Variants in FGFR1 observed in about 807,000 individuals in gnomAD.
The protein encoded by FGFR1 is FGFR1/PLAG1 fusion.
Under a neutral mutation model 93.7 loss-of-function variants are expected in FGFR1, and 18 were observed. The observed-to-expected ratio is 0.19, with a 90% confidence interval of 0.13 to 0.28. The LOEUF (loss-of-function observed/expected upper bound fraction) is 0.28. Ranked by LOEUF, FGFR1 falls within the 10% of genes least tolerant of loss-of-function variation. The pLI, the probability that FGFR1 is intolerant of heterozygous loss-of-function variation, is 1.00. For synonymous variants in FGFR1, 448 were observed against 429.3 expected, an observed-to-expected ratio of 1.04 and a Z score of -0.54; for missense variants, 731 against 1,080.4, an observed-to-expected ratio of 0.68 and a Z score of 4.53.
intron 2 of FGFR1, among the ~76,000 whole-genome samples, chr8:38,446,205 CTTTTTTTTTTT>C (rs773129271): frequency 1.6e-5 from 2 of 127,776 alleles, no homozygotes; most frequent in Non-Finnish European, 3.3e-5. Context: ...CCTCTCCCAC[CTTTTTTTTTTT>C]TTTTTTTTTT....
chr8:38,468,345 G>A lies in FGFR1; in HGVS notation c.-453C>T. The A allele has an allele frequency of 4.4e-6, 1 of 228,274 alleles. No homozygotes were observed. Among genetic ancestry groups the A allele is most frequent in the East Asian group, 6.1e-5 (1 of 16,400 alleles). 14.1% of individuals were successfully genotyped at this position (228,274 alleles called of 1,614,324 possible). ...GAGGCCCCGGCGCCGCGGCGTGCCC[G>A]ACTGCAGCACGGGTACCGTGCGCCC... On this transcript the variant is annotated 5_prime_UTR_variant, in exon 1 of 18. Transcript: ENST00000447712.
chr8:38,442,069 A>G (rs1048590340), intron 2 of FGFR1, among the ~76,000 whole-genome samples: 1 of 152,114 alleles, frequency 6.6e-6, no homozygotes, highest in South Asian at 2.1e-4. Context: ...GTGACTAGCA[A>G]CTGCCCCGGA....
At chr8:38,453,264 C>A (rs1477103335) in intron 2 of FGFR1, among the ~76,000 whole-genome samples, 1 of 152,194 alleles carries the variant, frequency 6.6e-6, no homozygotes, top group African/African-American at 2.4e-5. Context: ...GTTGCTGTGT[C>A]CCATGAAACA....
At chr8:38,428,509 G>C (rs576109076) in intron 3 of FGFR1, 74 bp from the exon 4 acceptor site, 2 of 1,157,408 alleles carry the variant, frequency 1.7e-6, no homozygotes, top group Admixed American at 2.0e-5. Context: ...TGCAGTTCCA[G>C]ATGAACACGG....
Position 38,417,314 on chromosome 8 carries a change from G to C in FGFR1, c.1655C>G (p.Thr552Arg), listed in dbSNP as rs760702592. ...KNIINLLGAC[T>R]QDGPLYVIVE... ...GTCTGGCCGGCACCCACCATCCTGC[G>C]TGCAGGCCCCCAGCAGGTTGATGAT... The change falls in exon 12 of 18, where the codon ACG becomes AGG. Residue 552 changes from threonine (T) to arginine (R), a missense_variant. By Grantham distance (71) the Thr-to-Arg change is moderately conservative. Around this residue, in one of 10 missense-constraint regions of FGFR1, gnomAD observed 62 missense variants for 99.5 expected, o/e 0.62. Coordinates refer to ENST00000447712, the MANE Select transcript of FGFR1 (RefSeq NM_023110.3). 1.9e-6 allele frequency: 3 copies of C among 1,612,484 alleles called. No individual in the cohort carries two copies. Among genetic ancestry groups the C allele is most frequent in the Admixed American group, 1.7e-5 (1 of 60,022 alleles).
chr8:38,450,287 G>C (rs1351705008), intron 2 of FGFR1, among the ~76,000 whole-genome samples: 4 of 152,212 alleles, frequency 2.6e-5, no homozygotes, highest in Non-Finnish European at 5.9e-5. Context: ...AGGAGAATGA[G>C]AGCAGCTGGA....
chr8:38,454,113 G>A (rs1419752112), intron 2 of FGFR1, among the ~76,000 whole-genome samples: 1 of 152,030 alleles, frequency 6.6e-6, no homozygotes, highest in Admixed American at 6.5e-5. Flanking sequence ...CCTTTCTTCT[G>A]TTCACAGGGC....
chr8:38,448,754 A>AGACCAGACT (rs1348888329), intron 2 of FGFR1, among the ~76,000 whole-genome samples: 8 of 152,332 alleles, frequency 5.3e-5, no homozygotes, highest in Non-Finnish European at 2.9e-5. Context: ...CAGGAGCTCA[A>AGACCAGACT]GACCAGACTG....
rs763942905 is a variant in FGFR1 at position 38,461,322 on chromosome 8, G to A, written c.-88-3788C>T. On this transcript the variant is annotated intron_variant, in intron 1 of 17. Transcript: ENST00000447712. Reference sequence around the variant, plus strand: ...AATTATGTAAGGAAAACTAGCTGACGAATTCATGGCCAAATCTTTTTATTC... The same window carrying A: ...AATTATGTAAGGAAAACTAGCTGACAAATTCATGGCCAAATCTTTTTATTC... 57 of 583,162 alleles carry A rather than the reference G, an allele frequency of 9.8e-5. 2 individuals are homozygous for A. The highest frequency in any genetic ancestry group is 8.9e-4 in the Middle Eastern group (2 of 2,248). 36.1% of individuals were successfully genotyped at this position (583,162 alleles called of 1,614,324 possible).
intron 2 of FGFR1, among the ~76,000 whole-genome samples, chr8:38,447,827 T>C (rs964975804): frequency 9.8e-5 from 15 of 152,308 alleles, no homozygotes; most frequent in Admixed American, 7.8e-4. Flanking sequence ...TATAATCTTT[T>C]GGGGGATATT....
chr8:38,468,599 C>T lies in FGFR1; in HGVS notation c.-707G>A, dbSNP rs1305530319. ...AGCTGCCGCCCGCCGCCGAGGACGC[C>T]GCGCCTGTGGCCGCAAGAGCGCTCC... is the stretch of plus-strand genomic sequence containing the variant. On this transcript the variant is annotated 5_prime_UTR_variant, in exon 1 of 18. Transcript: ENST00000447712. 4 of 229,720 alleles carry T rather than the reference C, an allele frequency of 1.7e-5. No homozygotes were observed. The highest frequency in any genetic ancestry group is 4.4e-5 in the African/African-American group (2 of 45,120). The allele number at this position is 229,720 out of a possible 1,614,324, so 14.2% of individuals were successfully genotyped here. A position where few individuals can be genotyped will look rare whatever the true frequency, so the allele number is the denominator to read the frequency against.
chr8:38,413,189 C>G lies in FGFR1; in HGVS notation c.*439G>C, dbSNP rs963256311. The G allele has an allele frequency of 3.1e-5, 8 of 257,014 alleles. No individual in the cohort carries two copies. Among genetic ancestry groups the G allele is most frequent in the African/African-American group, 1.7e-4 (8 of 46,030 alleles). 15.9% of individuals were successfully genotyped at this position (257,014 alleles called of 1,614,324 possible). On this transcript the variant is annotated 3_prime_UTR_variant, in exon 18 of 18. Transcript: ENST00000447712. This position sits in a 1 kb window ranked among gnomAD's most constrained non-coding sequence, Gnocchi z 4.2. ...TTCAATCGAGGCACGAAGCACTGACCTCCCTACTGCTGTAGCCCTGAGGAC... is the reference window on the plus strand; with the variant it reads ...TTCAATCGAGGCACGAAGCACTGACGTCCCTACTGCTGTAGCCCTGAGGAC...
At chr8:38,428,116 G>T in intron 4 of FGFR1, 23 bp from the exon 5 acceptor site, 1 of 1,613,654 alleles carries the variant, frequency 6.2e-7, no homozygotes, top group Non-Finnish European at 8.5e-7. Context: ...AGCCAAGAGA[G>T]ACAGGCAGGG....
At chr8:38,431,983 C>T (rs1442305293) in intron 2 of FGFR1, among the ~76,000 whole-genome samples, 2 of 152,152 alleles carry the variant, frequency 1.3e-5, no homozygotes, top group Non-Finnish European at 2.9e-5. Context: ...ATCTCATTTC[C>T]CTCAAATGAC....
chr8:38,440,708 G>T (rs1167987070), intron 2 of FGFR1, among the ~76,000 whole-genome samples: 3 of 152,114 alleles, frequency 2.0e-5, no homozygotes, highest in Non-Finnish European at 2.9e-5. Context: ...GGTGCAAACT[G>T]CTGTGTTTGC....
intron 2 of FGFR1, among the ~76,000 whole-genome samples, chr8:38,456,098 C>T (rs904305664): frequency 6.6e-6 from 1 of 152,168 alleles, no homozygotes; most frequent in South Asian, 2.1e-4. Context: ...GACACATATT[C>T]TCACCCATCA....
At position 38,411,234 on chromosome 8, in the gene FGFR1, TTA is replaced by T; in HGVS notation, c.*2392_*2393del. 4.8e-6 allele frequency: 1 copy of T among 206,638 alleles called. No homozygotes were observed. The highest frequency in any genetic ancestry group is 7.4e-5 in the East Asian group (1 of 13,524). 12.8% of individuals were successfully genotyped at this position (206,638 alleles called of 1,614,324 possible). A position where few individuals can be genotyped will look rare whatever the true frequency, so the allele number is the denominator to read the frequency against. ...AGTAACAGCAAGGACATCACTGTAATTATGATAGTGCCTTATATTTTTCTAGC... is the reference window on the plus strand; with the variant it reads ...AGTAACAGCAAGGACATCACTGTAATTGATAGTGCCTTATATTTTTCTAGC... On this transcript the variant is annotated 3_prime_UTR_variant, in exon 18 of 18. Transcript: ENST00000447712.
In FGFR1 at chr8:38,429,929, A is replaced by G; in HGVS notation, c.111T>C (p.Pro37=). 2.5e-6 allele frequency: 4 copies of G among 1,611,790 alleles called. No individual in the cohort carries two copies. The highest frequency in any genetic ancestry group is 3.4e-6 in the Non-Finnish European group (4 of 1,179,056). ...LPEQAQPWGA[P]VEVESFLVHP... ...GGACCAGGAAGGACTCCACTTCCAC[A>G]GGGGCTCCCCAGGGCTGGGCTGCAG... is the stretch of plus-strand genomic sequence containing the variant. The change falls in exon 3 of 18, where the codon CCT becomes CCC. Residue 37 remains proline (P), a synonymous_variant. Coordinates refer to ENST00000447712, the MANE Select transcript of FGFR1 (RefSeq NM_023110.3). This position sits in a 1 kb window ranked among gnomAD's most constrained non-coding sequence, Gnocchi z 4.4.
intron 2 of FGFR1, among the ~76,000 whole-genome samples, chr8:38,436,711 C>A (rs1327046497): frequency 6.6e-6 from 1 of 151,990 alleles, no homozygotes; most frequent in Non-Finnish European, 1.5e-5. Context: ...TTTTGATAAT[C>A]CTCAAGGAAG....
Sources: gnomAD v4.1 joint callset for allele counts (sites outside exome capture counted in the v4.1 genomes callset) on GRCh38, gnomAD v4.1.1 for gene constraint, gnomAD v4.1.1 regional missense constraint, Gnocchi (gnomAD v3.1) non-coding constraint, MANE v1.5 for transcripts, NCBI Gene and HGNC (gene_info 2026-07-23, HGNC 2026-07-21) for gene names.